SHE: variants seen among roughly 807,000 people sequenced by gnomAD.
SHE encodes the protein Src homology 2 domain containing E.
SHE carries 11 observed loss-of-function variants against 49.8 expected under a neutral mutation model. The ratio of observed to expected loss-of-function variants is 0.22; its 90% CI spans 0.14 to 0.37. The LOEUF (loss-of-function observed/expected upper bound fraction) is 0.37. Among genes scored for constraint, SHE ranks in the 10% least tolerant of loss-of-function variants. The pLI is 1.00. For missense variants in SHE, 624 were observed against 655.5 expected, an observed-to-expected ratio of 0.95 and a Z score of 0.52; for synonymous variants, 310 against 278.1, an observed-to-expected ratio of 1.11 and a Z score of -1.14.
In SHE at chr1:154,501,526, G is replaced by A. The variant is rs1692747235; in HGVS notation, c.501C>T (p.Ser167=). Residue 167 remains serine (S), a synonymous_variant, in exon 1 of 6, where the codon TCC becomes TCT. Coordinates refer to ENST00000304760, the MANE Select transcript of SHE (RefSeq NM_001010846.3). ...ACGCGGAGGAAGAGGAGCTGGAGCT[G>A]GAGCTACTGCTGCTGGGGTAGTTGC... The part of the protein sequence containing the change: ...GKSNYPSSSS[S]SSSSSSSASS... The A allele has an allele frequency of 6.2e-7, 1 of 1,614,200 alleles. No individual in the cohort carries two copies. Among genetic ancestry groups the A allele is most frequent in the South Asian group, 1.1e-5 (1 of 91,084 alleles).
chr1:154,484,255 AAC>A lies in SHE; in HGVS notation c.1380_1381del (p.Phe461Ter). ...GTGTACCACTTCAGGGATGCTGTCA[AAC>A]ACAGCGCTTGTCTGATTCAGTGTGT... On this transcript the variant is annotated frameshift_variant, in exon 6 of 6. Coordinates refer to ENST00000304760, the MANE Select transcript of SHE (RefSeq NM_001010846.3). LOFTEE classifies it high-confidence loss of function. 6.2e-7 allele frequency: 1 copy of A among 1,614,230 alleles called. No individual in the cohort carries two copies. Among genetic ancestry groups the A allele is most frequent in the South Asian group, 1.1e-5 (1 of 91,082 alleles).
At chr1:154,478,026 G>GT (rs756021625), downstream of SHE, among the ~76,000 whole-genome samples, 16 of 152,170 alleles carry the variant, frequency 1.1e-4, no homozygotes, top group Non-Finnish European at 2.1e-4. Flanking sequence ...GGTACCTCAT[G>GT]TAAGTGGAAT....
chr1:154,480,115 G>A lies in SHE; in HGVS notation c.*4034C>T. 1.0e-6 allele frequency: 1 copy of A among 985,482 alleles called. No homozygotes were observed. The highest frequency in any genetic ancestry group is 1.2e-6 in the Non-Finnish European group (1 of 829,950). The allele number at this position is 985,482 out of a possible 1,614,324, so 61.0% of individuals were successfully genotyped here. A position where few individuals can be genotyped will look rare whatever the true frequency, so the allele number is the denominator to read the frequency against. On this transcript the variant is annotated 3_prime_UTR_variant, in exon 6 of 6. Transcript: ENST00000304760. ...GGCCAAGTTTCTCTAGTCCACGTTA[G>A]TGGGGCACAAAAATTGGAAATGAGA...
downstream of SHE, among the ~76,000 whole-genome samples, chr1:154,479,293 TAGA>T (rs976123002): frequency 1.3e-5 from 2 of 152,138 alleles, no homozygotes; most frequent in African/African-American, 4.8e-5. Flanking sequence ...AAAAACATAA[TAGA>T]AGGACTCTAA....
At position 154,501,757 on chromosome 1, in the gene SHE, C is replaced by T. The variant is rs1692767142; in HGVS notation, c.270G>A (p.Gly90=). The T allele has an allele frequency of 6.4e-7, 1 of 1,570,100 alleles. No individual in the cohort carries two copies. Among genetic ancestry groups the T allele is most frequent in the African/African-American group, 1.4e-5 (1 of 73,860 alleles). The change falls in exon 1 of 6, where the codon GGG becomes GGA. Residue 90 remains glycine (G), a synonymous_variant. Coordinates refer to ENST00000304760, the MANE Select transcript of SHE (RefSeq NM_001010846.3). ...KGRKNSAAEL[G]SGRAGVGPKD... is the part of the protein sequence containing the mutation. ...TGGGGCCGACGCCGGCCCTGCCGCTCCCCAGCTCGGCCGCCGAGTTCTTGC... is the reference window on the plus strand; with the variant it reads ...TGGGGCCGACGCCGGCCCTGCCGCTTCCCAGCTCGGCCGCCGAGTTCTTGC...
At chr1:154,486,389 G>A in intron 4 of SHE, 138 bp downstream of exon 4, 1 of 1,211,016 alleles carries the variant, frequency 8.3e-7, no homozygotes. Flanking sequence ...CTTTGAAGAT[G>A]GGTTTTCATT....
Position 154,481,690 on chromosome 1 carries a change from A to G in SHE, c.*2459T>C. ...TCATTTCTAGAATGTTAAACTAAAA[A>G]TAAGTTTAACACAATGAATAATTTG... On this transcript the variant is annotated 3_prime_UTR_variant, in exon 6 of 6. Coordinates refer to ENST00000304760, the MANE Select transcript of SHE (RefSeq NM_001010846.3). The G allele has an allele frequency of 2.1e-6, 2 of 963,334 alleles. No homozygotes were observed. Among genetic ancestry groups the G allele is most frequent in the Non-Finnish European group, 2.5e-6 (2 of 809,780 alleles). The allele number at this position is 963,334 out of a possible 1,614,324, so 59.7% of individuals were successfully genotyped here.
At position 154,484,429 on chromosome 1, in the gene SHE, G is replaced by T; in HGVS notation, c.1302-94C>A. ...CAGCCAGATTCACACTAGGTTGATA[G>T]GTTCTCATCCATCCCGTAATGGTTC... On this transcript the variant is annotated intron_variant, in intron 5 of 5. Coordinates refer to ENST00000304760, the MANE Select transcript of SHE (RefSeq NM_001010846.3). 3 of 1,030,192 alleles carry T rather than the reference G, an allele frequency of 2.9e-6. No homozygotes were observed. The South Asian group carries it at 4.6e-5, about 16-fold the overall frequency. The allele number at this position is 1,030,192 out of a possible 1,614,324, so 63.8% of individuals were successfully genotyped here. A position where few individuals can be genotyped will look rare whatever the true frequency, so the allele number is the denominator to read the frequency against.
At chr1:154,497,726 G>A (rs1692576944) in intron 2 of SHE, among the ~76,000 whole-genome samples, 1 of 152,052 alleles carries the variant, frequency 6.6e-6, no homozygotes, top group Non-Finnish European at 1.5e-5. Context: ...TGTTGGCCAG[G>A]CTGGAGTGCA....
Position 154,480,341 on chromosome 1 carries a change from C to T in SHE, c.*3808G>A. 1 of 985,416 alleles carries T rather than the reference C, an allele frequency of 1.0e-6. No individual in the cohort carries two copies. Among genetic ancestry groups the T allele is most frequent in the Non-Finnish European group, 1.2e-6 (1 of 829,934 alleles). 61.0% of individuals were successfully genotyped at this position (985,416 alleles called of 1,614,324 possible). Reference sequence around the variant, plus strand: ...AAGGAGGGAGAAACAAGGGGCTAACCTTTGACTGAAAAAGGGCATCTGACA... The same window carrying T: ...AAGGAGGGAGAAACAAGGGGCTAACTTTTGACTGAAAAAGGGCATCTGACA... On this transcript the variant is annotated 3_prime_UTR_variant, in exon 6 of 6. Transcript: ENST00000304760.
Position 154,489,112 on chromosome 1 carries a change from G to T in SHE, c.963C>A (p.Pro321=), listed in dbSNP as rs200240280. The change falls in exon 3 of 6, where the codon CCC becomes CCA. Residue 321 remains proline (P), a synonymous_variant. Coordinates refer to ENST00000304760, the MANE Select transcript of SHE (RefSeq NM_001010846.3). ...CCCATGGCTGCTCGTACTCTGCCGC[G>T]GGCCTCTCGTCGTTCTCGGGCAGCC... ...DSRLPENDER[P]AAEYEQPWEW... 1 of 1,612,954 alleles carries T rather than the reference G, an allele frequency of 6.2e-7. No homozygotes were observed. The highest frequency in any genetic ancestry group is 8.5e-7 in the Non-Finnish European group (1 of 1,179,326).
intron 2 of SHE, among the ~76,000 whole-genome samples, chr1:154,495,828 G>GT (rs1692513312): frequency 6.6e-6 from 1 of 152,096 alleles, no homozygotes; most frequent in East Asian, 1.9e-4. Context: ...AACCAGGCCT[G>GT]TAATTCCCAT....
rs767718677 is a variant in SHE at position 154,489,029 on chromosome 1, GGGCCT to G, written c.1024+17_1024+21del. 2.0e-6 allele frequency: 3 copies of G among 1,528,636 alleles called. No individual in the cohort carries two copies. The highest frequency in any genetic ancestry group is 1.8e-6 in the Non-Finnish European group (2 of 1,139,566). The allele number at this position is 1,528,636 out of a possible 1,614,324, so 94.7% of individuals were successfully genotyped here. A position where few individuals can be genotyped will look rare whatever the true frequency, so the allele number is the denominator to read the frequency against. ...CAGAAGACTGAAGTCACACTGGGGC[GGGCCT>G]GGCCTGGCGCCCTCACCTGACAGAG... On this transcript the variant is annotated intron_variant, in intron 3 of 5. Coordinates refer to ENST00000304760, the MANE Select transcript of SHE (RefSeq NM_001010846.3).
chr1:154,488,064 C>G (rs1169636945), intron 3 of SHE, among the ~76,000 whole-genome samples: 1 of 148,846 alleles, frequency 6.7e-6, no homozygotes, highest in African/African-American at 2.5e-5. Context: ...CTTAGCTTCT[C>G]GAGCTGTAGC....
intron 1 of SHE, among the ~76,000 whole-genome samples, chr1:154,500,545 G>A (rs904708772): frequency 1.3e-5 from 2 of 152,200 alleles, no homozygotes; most frequent in Non-Finnish European, 2.9e-5. Context: ...TCCCATGCAT[G>A]TTAGGAAGTG....
chr1:154,490,055 A>T (rs531280962), intron 2 of SHE, among the ~76,000 whole-genome samples: 14 of 152,376 alleles, frequency 9.2e-5, no homozygotes, highest in African/African-American at 3.1e-4. Context: ...GTCAAACCAC[A>T]GTAAGTCAGG....
At chr1:154,473,347 T>C (rs1006940486) in intron 1 of SHE, among the ~76,000 whole-genome samples, 2 of 151,822 alleles carry the variant, frequency 1.3e-5, no homozygotes, top group Non-Finnish European at 2.9e-5. Context: ...TGGTGGTGCA[T>C]GCCTGTAGTC....
At chr1:154,485,605 C>G (rs1002142398) in intron 5 of SHE, 2 of 185,156 alleles carry the variant, frequency 1.1e-5, no homozygotes, top group Non-Finnish European at 2.3e-5. Context: ...AGAAGAATGA[C>G]TGTACTACCC....
At chr1:154,478,156 G>A (rs544440585), downstream of SHE, among the ~76,000 whole-genome samples, 2 of 152,112 alleles carry the variant, frequency 1.3e-5, no homozygotes, top group Non-Finnish European at 2.9e-5. Context: ...TCAGTTATGG[G>A]AGTAGCAAGA....
Sources: allele counts gnomAD v4.1 joint callset (sites outside exome capture counted in the v4.1 genomes callset), GRCh38; gene constraint gnomAD v4.1.1; transcripts MANE v1.5; gene names NCBI Gene and HGNC (gene_info 2026-07-23, HGNC 2026-07-21).